MAPKAP1: variants seen among roughly 807,000 people sequenced by gnomAD.
MAPKAP1 encodes the protein target of rapamycin complex 2 subunit MAPKAP1.
Under a neutral mutation model 65.7 loss-of-function variants are expected in MAPKAP1, and 20 were observed. The ratio of observed to expected loss-of-function variants is 0.30; its 90% CI spans 0.21 to 0.44. The LOEUF (loss-of-function observed/expected upper bound fraction) is 0.44. Ranked by LOEUF, MAPKAP1 falls within the 20% of genes least tolerant of loss-of-function variation. The probability of loss-of-function intolerance (pLI) is 1.00; values close to 1 mark genes in which losing one functional copy is unlikely to be tolerated. For synonymous variants in MAPKAP1, 222 were observed against 244.3 expected (o/e 0.91, Z 0.85); for missense variants, 423 against 648.0 (o/e 0.65, Z 3.77).
chr9:125,567,834 G>T (rs1202079486), intron 5 of MAPKAP1: 2 of 152,236 alleles, frequency 1.3e-5, no homozygotes. Flanking sequence ...GGCAATGACA[G>T]AAGTGACTAT....
chr9:125,521,392 C>G, intron 7 of MAPKAP1: 1 of 850,228 alleles, frequency 1.2e-6, no homozygotes, highest in South Asian at 5.5e-5. Flanking sequence ...CAATCTGTTT[C>G]TCTTAACTTG....
chr9:125,601,930 T>C (rs999386031), intron 4 of MAPKAP1, among the ~76,000 whole-genome samples: 5 of 152,290 alleles, frequency 3.3e-5, no homozygotes, highest in East Asian at 1.9e-4. Context: ...AAAGAGCCAA[T>C]TGAGAAAGTC....
At chr9:125,468,199 C>G in intron 9 of MAPKAP1, 90 bp from the exon 10 acceptor site, 2 of 1,405,366 alleles carry the variant, frequency 1.4e-6, no homozygotes, top group Non-Finnish European at 2.0e-6. Context: ...TTTTATAAAT[C>G]TGAAATTGCA....
At position 125,447,230 on chromosome 9, in the gene MAPKAP1, A is replaced by C; in HGVS notation, c.1346-2632T>G. ...GCTCATTCCAGCACCCATCTGAGGA[A>C]GAGTGAAGCAGGTGAGGAGGAGGAA... On this transcript the variant is annotated intron_variant, in intron 10 of 11. Transcript: ENST00000265960. This position sits in a 1 kb window ranked among gnomAD's most constrained non-coding sequence, Gnocchi z 4.5. The C allele has an allele frequency of 2.7e-6, 1 of 366,044 alleles. No homozygotes were observed. Among genetic ancestry groups the C allele is most frequent in the South Asian group, 2.0e-5 (1 of 49,458 alleles). The allele number at this position is 366,044 out of a possible 1,614,324, so 22.7% of individuals were successfully genotyped here. A position where few individuals can be genotyped will look rare whatever the true frequency, so the allele number is the denominator to read the frequency against.
chr9:125,563,725 A>T (rs1830962512), intron 5 of MAPKAP1, among the ~76,000 whole-genome samples: 2 of 151,464 alleles, frequency 1.3e-5, no homozygotes, highest in Admixed American at 6.6e-5. Flanking sequence ...TATTATTATT[A>T]TTATTTTTGA....
chr9:125,661,505 T>C (rs1044302586), intron 3 of MAPKAP1, among the ~76,000 whole-genome samples: 1 of 152,192 alleles, frequency 6.6e-6, no homozygotes, highest in African/African-American at 2.4e-5. Context: ...CTTATCTCTA[T>C]ATATTGCTCC....
At chr9:125,644,936 T>C (rs938402465) in intron 4 of MAPKAP1, among the ~76,000 whole-genome samples, 6 of 152,218 alleles carry the variant, frequency 3.9e-5, no homozygotes, top group African/African-American at 1.4e-4. Context: ...TTTTAATATA[T>C]TCAAGAGCAT....
At chr9:125,451,082 CCT>C (rs149597143) in intron 10 of MAPKAP1, 10 of 151,722 alleles carry the variant, frequency 6.6e-5, no homozygotes, top group Middle Eastern at 3.2e-3. Flanking sequence ...TCTCAAACTC[CCT>C]CTCTCTCTCT....
chr9:125,625,904 T>TAAG (rs1833105024), intron 4 of MAPKAP1, among the ~76,000 whole-genome samples: 1 of 152,238 alleles, frequency 6.6e-6, no homozygotes, highest in Non-Finnish European at 1.5e-5. Context: ...ATCCTTCTTC[T>TAAG]GTCTGAAAAA....
chr9:125,572,349 G>A (rs1043133980), intron 5 of MAPKAP1, among the ~76,000 whole-genome samples: 4 of 152,208 alleles, frequency 2.6e-5, no homozygotes, highest in Admixed American at 2.6e-4. Flanking sequence ...CTATGGAACA[G>A]AGTTCCATCA....
At chr9:125,553,938 G>C (rs1410642336) in intron 6 of MAPKAP1, among the ~76,000 whole-genome samples, 1 of 152,030 alleles carries the variant, frequency 6.6e-6, no homozygotes, top group Non-Finnish European at 1.5e-5. Context: ...TTGGGAGGCT[G>C]AGGTGGGACG....
intron 6 of MAPKAP1, among the ~76,000 whole-genome samples, chr9:125,554,592 A>G (rs1257946308): frequency 6.6e-6 from 1 of 152,084 alleles, no homozygotes. Context: ...TGAGCTCAGG[A>G]GTTCAGGACC....
intron 8 of MAPKAP1, among the ~76,000 whole-genome samples, chr9:125,503,793 T>A (rs571744704): frequency 6.6e-6 from 1 of 150,872 alleles, no homozygotes; most frequent in East Asian, 2.0e-4. Context: ...CTGAGCTCAC[T>A]GCAACCTCTG....
chr9:125,585,854 A>G, intron 4 of MAPKAP1, 127 bp from the exon 5 acceptor site: 1 of 853,464 alleles, frequency 1.2e-6, no homozygotes, highest in Non-Finnish European at 1.8e-6. Flanking sequence ...TGACCATGGA[A>G]TGGTCCCAAA....
intron 7 of MAPKAP1, among the ~76,000 whole-genome samples, chr9:125,530,377 T>A (rs937820816): frequency 2.6e-5 from 4 of 152,248 alleles, no homozygotes; most frequent in African/African-American, 9.6e-5. Context: ...CAAAATCACA[T>A]GGATATTTAA....
At chr9:125,526,200 G>A (rs956139656) in intron 7 of MAPKAP1, among the ~76,000 whole-genome samples, 14 of 152,154 alleles carry the variant, frequency 9.2e-5, no homozygotes, top group Admixed American at 9.2e-4. Flanking sequence ...CTGCATGCTG[G>A]CTCCATGGAC....
chr9:125,693,784 TATATATATACACAC>T (rs1464398890), intron 1 of MAPKAP1, among the ~76,000 whole-genome samples: 10 of 148,650 alleles, frequency 6.7e-5, no homozygotes, highest in East Asian at 6.0e-4. Flanking sequence ...TATATACACG[TATATATATACACAC>T]ATATATATAC....
In MAPKAP1 at chr9:125,550,550, A is replaced by G. The variant is rs965714743; in HGVS notation, c.849-7382T>C. ...TCCTGGCACAATTTCAAGACATTCC[A>G]GTGAGCAAAACATACATATTTAGCT... On this transcript the variant is annotated intron_variant, in intron 6 of 11. Coordinates refer to ENST00000265960, the MANE Select transcript of MAPKAP1 (RefSeq NM_001006617.3). Among the ~76,000 whole-genome samples the G allele has an allele frequency of 3.9e-5, 6 of 152,356 alleles. 1 individual carries two copies. The highest frequency in any genetic ancestry group is 6.5e-5 in the Admixed American group (1 of 15,306).
At chr9:125,459,633 C>T (rs1268768446) in intron 10 of MAPKAP1, among the ~76,000 whole-genome samples, 9 of 152,288 alleles carry the variant, frequency 5.9e-5, no homozygotes, top group African/African-American at 2.2e-4. Context: ...GCCAACTCAG[C>T]GAAACCCCGT....
Sources: allele counts gnomAD v4.1 joint callset (sites outside exome capture counted in the v4.1 genomes callset), GRCh38; gene constraint gnomAD v4.1.1; non-coding constraint Gnocchi (gnomAD v3.1); transcripts MANE v1.5; gene names NCBI Gene and HGNC (gene_info 2026-07-23, HGNC 2026-07-21).